CEP112: variants seen among roughly 807,000 people sequenced by gnomAD.
CEP112 encodes centrosomal protein 112, also known as centrosomal protein of 112 kDa.
CEP112 carries 127 observed loss-of-function variants against 153.0 expected under a neutral mutation model. The ratio of observed to expected loss-of-function variants is 0.83; its 90% CI spans 0.72 to 0.96. CEP112 has a LOEUF of 0.96. CEP112 is among the 40% of genes least tolerant of loss of function. The pLI is 0.00. For synonymous variants in CEP112, 358 were observed against 374.4 expected (o/e 0.96, Z 0.51); for missense variants, 1,089 against 1,101.2 (o/e 0.99, Z 0.16).
intron 21 of CEP112, among the ~76,000 whole-genome samples, chr17:65,791,083 T>C (rs1325594381): frequency 6.6e-6 from 1 of 152,014 alleles, no homozygotes; most frequent in Non-Finnish European, 1.5e-5. Context: ...GGGGATTTGA[T>C]TAAGTCTAAT....
chr17:65,639,512 C>T (rs1383394439), intron 25 of CEP112, among the ~76,000 whole-genome samples: 1 of 151,784 alleles, frequency 6.6e-6, no homozygotes, highest in African/African-American at 2.4e-5. Context: ...CCTGTCTCTA[C>T]AAACAAACCC....
At chr17:65,847,022 C>T (rs2057751052) in intron 21 of CEP112, among the ~76,000 whole-genome samples, 1 of 152,122 alleles carries the variant, frequency 6.6e-6, no homozygotes, top group South Asian at 2.1e-4. Flanking sequence ...ACAAATTACT[C>T]GATGTGAGCA....
intron 12 of CEP112, among the ~76,000 whole-genome samples, chr17:66,036,748 T>C (rs2065756663): frequency 6.6e-6 from 1 of 152,234 alleles, no homozygotes; most frequent in Non-Finnish European, 1.5e-5. Flanking sequence ...TCCACTGCAT[T>C]ACATCTTCTC....
chr17:65,794,606 G>A (rs1296839897), intron 21 of CEP112, among the ~76,000 whole-genome samples: 1 of 152,176 alleles, frequency 6.6e-6, no homozygotes, highest in African/African-American at 2.4e-5. Context: ...CTACTAGAAA[G>A]CTCCAAATGG....
intron 17 of CEP112, among the ~76,000 whole-genome samples, chr17:65,976,738 T>TTC (rs1555743406): frequency 2.6e-4 from 10 of 38,476 alleles, no homozygotes; most frequent in South Asian, 4.3e-4. Context: ...ACTTTTTCTT[T>TTC]TTTTTTTTTT....
intron 20 of CEP112, among the ~76,000 whole-genome samples, chr17:65,870,085 A>AAAGAAAGAAAG (rs2058619644): frequency 6.8e-6 from 1 of 146,984 alleles, no homozygotes; most frequent in Non-Finnish European, 1.5e-5. Context: ...AAGAAAGAAA[A>AAAGAAAGAAAG]GAAAGAAAGA....
chr17:65,750,935 G>A (rs2051806378), intron 21 of CEP112: 2 of 499,064 alleles, frequency 4.0e-6, no homozygotes, highest in South Asian at 6.2e-5. Context: ...CCAATTATTA[G>A]ACAAACATAA....
intron 16 of CEP112, among the ~76,000 whole-genome samples, chr17:66,014,434 A>G (rs956156498): frequency 1.3e-5 from 2 of 152,154 alleles, no homozygotes; most frequent in African/African-American, 4.8e-5. Flanking sequence ...TTCAGGTTCA[A>G]CAATTCTTTT....
Position 65,640,985 on chromosome 17 carries a change from G to C in CEP112, c.2778C>G (p.Thr926=). The C allele has an allele frequency of 6.2e-7, 1 of 1,601,374 alleles. No homozygotes were observed. The highest frequency in any genetic ancestry group is 1.1e-5 in the South Asian group (1 of 90,724). Residue 926 remains threonine, a synonymous_variant, in exon 25 of 27, where the codon ACC becomes ACG. Transcript: ENST00000535342. Reference sequence around the variant, plus strand: ...TTACCTGTGATTTTAGGGAGGAAATGGTGTCTTCAAGTTCTTGTCTTAGGG... The same window carrying C: ...TTACCTGTGATTTTAGGGAGGAAATCGTGTCTTCAAGTTCTTGTCTTAGGG... ...PASLRQELED[T]ISSLKSQVNF...
At chr17:65,803,788 C>T (rs1362488351) in intron 21 of CEP112, among the ~76,000 whole-genome samples, 3 of 152,166 alleles carry the variant, frequency 2.0e-5, no homozygotes, top group Non-Finnish European at 4.4e-5. Context: ...CAAACTTTTG[C>T]TAAATTAAAT....
intron 16 of CEP112, among the ~76,000 whole-genome samples, chr17:66,024,518 A>T (rs1049098539): frequency 6.6e-6 from 1 of 152,120 alleles, no homozygotes; most frequent in Non-Finnish European, 1.5e-5. Flanking sequence ...ATTTCTATGT[A>T]TCAAAAACAA....
chr17:66,068,575 G>A (rs187816114), intron 9 of CEP112, among the ~76,000 whole-genome samples: 2 of 152,276 alleles, frequency 1.3e-5, no homozygotes, highest in East Asian at 3.9e-4. Context: ...AGAGTAAACT[G>A]ATGAATATAC....
chr17:66,089,094 G>A (rs2068044191), intron 8 of CEP112, among the ~76,000 whole-genome samples: 2 of 152,262 alleles, frequency 1.3e-5, no homozygotes, highest in Non-Finnish European at 2.9e-5. Context: ...AAGATACCAG[G>A]CCCACCCACT....
At chr17:65,959,557 C>T (rs916311020) in intron 18 of CEP112, among the ~76,000 whole-genome samples, 2 of 152,226 alleles carry the variant, frequency 1.3e-5, no homozygotes, top group African/African-American at 2.4e-5. Flanking sequence ...CAGCCCCAGA[C>T]CTGGGCGCTC....
Position 66,053,728 on chromosome 17 carries a change from A to T in CEP112, c.1218+8T>A, listed in dbSNP as rs16958872. ...TCTAAGATGTCAAGAACAGGTTTAA[A>T]GACTCACTGTGGACTGTGTTTGCGC... On this transcript the variant is annotated splice_region_variant and intron_variant, in intron 12 of 26. Transcript: ENST00000535342. 2,732 of 1,608,492 alleles carry T rather than the reference A, an allele frequency of 1.7e-3. 47 individuals are homozygous for T. In the African/African-American group the frequency reaches 0.032, roughly 19 times the overall value.
chr17:65,782,467 G>A (rs1018041009), intron 21 of CEP112, among the ~76,000 whole-genome samples: 2 of 152,162 alleles, frequency 1.3e-5, no homozygotes, highest in African/African-American at 4.8e-5. Flanking sequence ...ACTACCATTT[G>A]ACCCAGCAAT....
chr17:66,015,009 G>A (rs2064710738), intron 16 of CEP112, among the ~76,000 whole-genome samples: 1 of 152,126 alleles, frequency 6.6e-6, no homozygotes, highest in African/African-American at 2.4e-5. Flanking sequence ...TGTTGAATTT[G>A]GTTTGCTGGT....
At chr17:65,905,319 C>T (rs1330614638) in intron 19 of CEP112, among the ~76,000 whole-genome samples, 2 of 152,070 alleles carry the variant, frequency 1.3e-5, no homozygotes, top group Admixed American at 1.3e-4. Flanking sequence ...TCAAAAAAAG[C>T]CATTTATGCA....
intron 2 of CEP112, among the ~76,000 whole-genome samples, chr17:66,179,396 A>G (rs1401343150): frequency 1.3e-5 from 2 of 152,068 alleles, no homozygotes; most frequent in Non-Finnish European, 2.9e-5. Flanking sequence ...TTTTCATTAT[A>G]GAGATCTTTC....
Sources: allele counts gnomAD v4.1 joint callset (sites outside exome capture counted in the v4.1 genomes callset), GRCh38; gene constraint gnomAD v4.1.1; transcripts MANE v1.5; gene names NCBI Gene and HGNC (gene_info 2026-07-23, HGNC 2026-07-21).